The following AP1M2 variants were observed in gnomAD, a reference collection of about 807,000 sequenced individuals.
AP1M2 encodes AP-1 complex subunit mu-2.
In AP1M2, 41 loss-of-function variants were observed where a neutral mutation model predicts 54.6. That is an observed-to-expected ratio of 0.75 (90% CI 0.59 to 0.97). The LOEUF (loss-of-function observed/expected upper bound fraction) is 0.97, where lower values mean the gene tolerates loss of function less well. AP1M2 is among the 50% of genes least tolerant of loss of function. The pLI, the probability that AP1M2 is intolerant of heterozygous loss-of-function variation, is 0.00. For missense variants in AP1M2, 507 were observed against 561.2 expected (o/e 0.90, Z 0.98); for synonymous variants, 219 against 215.9 (o/e 1.01, Z -0.13).
intron 7 of AP1M2, 73 bp downstream of exon 7, chr19:10,579,643 T>C: frequency 6.7e-7 from 1 of 1,490,410 alleles, no homozygotes; most frequent in Non-Finnish European, 9.0e-7. Flanking sequence ...CGTGAGCCAC[T>C]GCGCTGGGCC....
rs1329864149 is a variant in AP1M2, at chr19:10,581,631, G to A, written c.402C>T (p.Tyr134=). 2 of 1,613,934 alleles carry A rather than the reference G, an allele frequency of 1.2e-6. No homozygotes were observed. The highest frequency in any genetic ancestry group is 4.5e-5 in the East Asian group (2 of 44,862). The change falls in exon 5 of 12, where the codon TAC becomes TAT. Residue 134 remains tyrosine, a synonymous_variant. Coordinates refer to ENST00000250244, the MANE Select transcript of AP1M2 (RefSeq NM_005498.5). ...CCAGCTTGTTGCTCTGCTGAGTGAT[G>A]TACCTGGAGGGAGGGCGGCAGGGAC... is the stretch of plus-strand genomic sequence containing the variant. ...QTTDSKILQE[Y]ITQQSNKLET...
intron 8 of AP1M2, among the ~76,000 whole-genome samples, chr19:10,577,660 C>T (rs990647180): frequency 6.6e-6 from 1 of 150,428 alleles, no homozygotes; most frequent in Non-Finnish European, 1.5e-5. Flanking sequence ...TGTTCTCGAT[C>T]TCCTGACCTC....
intron 9 of AP1M2, among the ~76,000 whole-genome samples, chr19:10,576,518 T>C (rs569490416): frequency 1.3e-5 from 2 of 152,002 alleles, no homozygotes; most frequent in Non-Finnish European, 2.9e-5. Flanking sequence ...CACCTCGGCC[T>C]CCCAAAGTGC....
In AP1M2 at chr19:10,584,594, GAA is replaced by G. The variant is rs1433191401; in HGVS notation, c.43-526_43-525del. Among the ~76,000 whole-genome samples, 3 of 146,470 alleles carry G rather than the reference GAA, an allele frequency of 2.0e-5. No individual in the cohort carries two copies. The East Asian group carries it at 5.9e-4, about 29-fold the overall frequency. ...ACTCCATCTCAAAAGAAGAAAGAGAGAAAGAAAGAAAGAAAGAAAGTAAAGAA... is the reference window on the plus strand; with the variant it reads ...ACTCCATCTCAAAAGAAGAAAGAGAGAGAAAGAAAGAAAGAAAGTAAAGAA... On this transcript the variant is annotated intron_variant, in intron 1 of 11. Transcript: ENST00000250244.
At chr19:10,578,375 G>A (rs146317947) in intron 8 of AP1M2, among the ~76,000 whole-genome samples, 1,850 of 152,100 alleles carry the variant, frequency 0.012, 22 homozygotes, top group South Asian at 0.02. Context: ...CCAGCTGCTC[G>A]GGAGGCTGAG....
rs1917186312 is a variant in AP1M2 at position 10,575,035 on chromosome 19, G to A, written c.1048-6C>T. On this transcript the variant is annotated splice_region_variant and splice_polypyrimidine_tract_variant and intron_variant, in intron 9 of 11. Transcript: ENST00000250244. ...ATCAAGTACTCCTTGCCCCCCTGAG[G>A]GAACATGGGGGCATCAGGTACACGA... 2.0e-6 allele frequency: 3 copies of A among 1,490,016 alleles called. No homozygotes were observed. The highest frequency in any genetic ancestry group is 1.4e-5 in the African/African-American group (1 of 70,354). The allele number at this position is 1,490,016 out of a possible 1,614,324, so 92.3% of individuals were successfully genotyped here.
chr19:10,584,197 T>C (rs1040681928), intron 1 of AP1M2, 127 bp from the exon 2 acceptor site: 12 of 1,234,712 alleles, frequency 9.7e-6, no homozygotes, highest in Middle Eastern at 5.2e-4. Context: ...TGCCTCCTTG[T>C]GCCTGTTTCC....
At position 10,574,173 on chromosome 19, in the gene AP1M2, C is replaced by T. The variant is rs140431568; in HGVS notation, c.1249+244G>A. ...TAGCTTGGATTATAGGCATACACCA[C>T]CACACCCGGCTAATTTTTGTATTTT... On this transcript the variant is annotated intron_variant, in intron 11 of 11. Coordinates refer to ENST00000250244, the MANE Select transcript of AP1M2 (RefSeq NM_005498.5). 2.3e-3 allele frequency among the ~76,000 whole-genome samples: 354 copies of T among 152,246 alleles called. 1 individual carries two copies. The highest frequency in any genetic ancestry group is 8.1e-3 in the African/African-American group (335 of 41,532).
At chr19:10,576,067 C>T (rs1329846205) in intron 9 of AP1M2, among the ~76,000 whole-genome samples, 1 of 148,180 alleles carries the variant, frequency 6.7e-6, no homozygotes, top group Non-Finnish European at 1.5e-5. Context: ...AGCCACTGCG[C>T]CTGGCCTTGT....
chr19:10,581,526 GTTC>G lies in AP1M2; in HGVS notation c.504_506del (p.Lys168del). The G allele has an allele frequency of 6.2e-7, 1 of 1,613,884 alleles. No individual in the cohort carries two copies. The highest frequency in any genetic ancestry group is 8.5e-7 in the Non-Finnish European group (1 of 1,179,876). ...ACTCTATGACATCAATGAAGACCTC[GTTC>G]TTCTTATACTTGATACCCTCGGAGC... On this transcript the variant is annotated inframe_deletion, in exon 5 of 12. Transcript: ENST00000250244.
intron 1 of AP1M2, among the ~76,000 whole-genome samples, chr19:10,584,588 AAGAG>A (rs956611411): frequency 6.6e-6 from 1 of 151,478 alleles, no homozygotes; most frequent in Admixed American, 6.6e-5. Flanking sequence ...CAAAAGAAGA[AAGAG>A]AGAAAGAAAG....
chr19:10,581,246 A>G lies in AP1M2; in HGVS notation c.673+20T>C, dbSNP rs1917437619. ...ACTCCCCTGTGCATTTCTCAGAAGA[A>G]AGGTCCCCTAAATGCTTACGGCCAG... is the stretch of plus-strand genomic sequence containing the variant. On this transcript the variant is annotated intron_variant, in intron 6 of 11. Coordinates refer to ENST00000250244, the MANE Select transcript of AP1M2 (RefSeq NM_005498.5). 6.3e-7 allele frequency: 1 copy of G among 1,599,534 alleles called. No homozygotes were observed.
At position 10,574,916 on chromosome 19, in the gene AP1M2, G is replaced by T; in HGVS notation, c.1161C>A (p.Val387=). The T allele has an allele frequency of 6.2e-7, 1 of 1,604,524 alleles. No homozygotes were observed. Among genetic ancestry groups the T allele is most frequent in the Admixed American group, 1.7e-5 (1 of 58,966 alleles). Residue 387 remains valine (V), a synonymous_variant, in exon 10 of 12, where the codon GTC becomes GTA. Coordinates refer to ENST00000250244, the MANE Select transcript of AP1M2 (RefSeq NM_005498.5). The part of the protein sequence containing the change: ...GVKFEIPYFT[V]SGIQVRYMKI... ...CTGCTTCTCTCACCTGGATCCCAGA[G>T]ACGGTGAAGTAGGGGATCTCAAACT...
intron 9 of AP1M2, among the ~76,000 whole-genome samples, chr19:10,576,419 C>T (rs1048755108): frequency 1.2e-4 from 18 of 151,824 alleles, no homozygotes; most frequent in African/African-American, 4.1e-4. Flanking sequence ...CCTGCAACCA[C>T]GCCCGGCTAA....
At chr19:10,578,803 C>T (rs1917329806) in intron 8 of AP1M2, 89 bp downstream of exon 8, 12 of 1,029,966 alleles carry the variant, frequency 1.2e-5, no homozygotes, top group African/African-American at 3.2e-5. Context: ...CTAACCACCC[C>T]GGCCTCCCAA....
At position 10,577,224 on chromosome 19, in the gene AP1M2, CG is replaced by C; in HGVS notation, c.1020del (p.Val341Ter). 1.2e-6 allele frequency: 2 copies of C among 1,612,676 alleles called. No homozygotes were observed. Among genetic ancestry groups the C allele is most frequent in the Non-Finnish European group, 1.7e-6 (2 of 1,179,394 alleles). On this transcript the variant is annotated frameshift_variant, in exon 9 of 12. Transcript: ENST00000250244. LOFTEE classifies it high-confidence loss of function. The part of the protein sequence containing the change: ...GSAKYVPERN[V>X]VIWSIKSFPG... ...GGGAAAGACTTAATACTCCAAATCA[CG>C]ACGTTTCTCTCCGGCACATACTTGG...
intron 1 of AP1M2, among the ~76,000 whole-genome samples, chr19:10,585,302 A>C (rs59950085): frequency 3.0e-5 from 2 of 65,874 alleles, no homozygotes; most frequent in African/African-American, 8.3e-5. Context: ...AAAGAAAGAA[A>C]GAAAGAAAGA....
intron 1 of AP1M2, among the ~76,000 whole-genome samples, chr19:10,586,015 G>A (rs112023341): frequency 0.064 from 9,797 of 152,112 alleles, 337 homozygotes; most frequent in Middle Eastern, 0.12. Flanking sequence ...CGGGCGCAGT[G>A]GCTCATGTCT....
At position 10,583,612 on chromosome 19, in the gene AP1M2, T is replaced by G. The variant is rs750954512; in HGVS notation, c.261A>C (p.Thr87=). 6 of 1,608,620 alleles carry G rather than the reference T, an allele frequency of 3.7e-6. No individual in the cohort carries two copies. The African/African-American group carries it at 8.0e-5, about 21-fold the overall frequency. Residue 87 remains threonine, a synonymous_variant, in exon 3 of 12, where the codon ACA becomes ACC. Transcript: ENST00000250244. ...ASLVYSFLYK[T]IEVFCEYFKE... ...ATGGGAGGCTAGTACCTACCTCTATTGTCTTATACAGGAAGGAGTACACCA... is the reference window on the plus strand; with the variant it reads ...ATGGGAGGCTAGTACCTACCTCTATGGTCTTATACAGGAAGGAGTACACCA...
Sources: allele counts gnomAD v4.1 joint callset (sites outside exome capture counted in the v4.1 genomes callset), GRCh38; gene constraint gnomAD v4.1.1; transcripts MANE v1.5; gene names NCBI Gene and HGNC (gene_info 2026-07-23, HGNC 2026-07-21).